The following PLCG2 variants were observed in gnomAD, a reference collection of about 807,000 sequenced individuals.
PLCG2 encodes the protein 1-phosphatidylinositol 4,5-bisphosphate phosphodiesterase gamma-2.
In PLCG2, 69 loss-of-function variants were observed where a neutral mutation model predicts 175.6. That is an observed-to-expected ratio of 0.39 (90% CI 0.32 to 0.48). The LOEUF (loss-of-function observed/expected upper bound fraction) is 0.48. Among genes scored for constraint, PLCG2 ranks in the 20% least tolerant of loss-of-function variants. The pLI is 0.91. For synonymous variants in PLCG2, 827 were observed against 624.0 expected (o/e 1.33, Z -4.85); for missense variants, 1,798 against 1,650.9 (o/e 1.09, Z -1.54).
At chr16:81,769,839 A>G (rs1297447971) in intron 2 of PLCG2, among the ~76,000 whole-genome samples, 150 of 150,780 alleles carry the variant, frequency 9.9e-4, no homozygotes, top group African/African-American at 3.4e-3. Flanking sequence ...AAAAAAAAAA[A>G]AAAAAAAGAA....
At chr16:81,752,763 G>T (rs1255452931) in intron 1 of PLCG2, among the ~76,000 whole-genome samples, 3 of 152,224 alleles carry the variant, frequency 2.0e-5, no homozygotes, top group African/African-American at 4.8e-5. Flanking sequence ...GGGTGCCCAG[G>T]GAAGTGAGGG....
At chr16:81,861,970 C>T (rs1907004067) in intron 5 of PLCG2, among the ~76,000 whole-genome samples, 1 of 152,220 alleles carries the variant, frequency 6.6e-6, no homozygotes, top group African/African-American at 2.4e-5. Context: ...CCGGCTTCCT[C>T]TCCTCTACCT....
chr16:81,955,530 G>A (rs4888198), intron 31 of PLCG2, among the ~76,000 whole-genome samples: 129,321 of 152,220 alleles, frequency 0.85, 55,035 homozygotes, highest in East Asian at 0.93. Context: ...CTCCCCTAGC[G>A]TAATGGACTA....
At chr16:81,896,255 G>T (rs982763370) in intron 13 of PLCG2, among the ~76,000 whole-genome samples, 2 of 152,262 alleles carry the variant, frequency 1.3e-5, no homozygotes, top group Admixed American at 1.3e-4. Flanking sequence ...AAGGCTGGGC[G>T]CAGTGGCTCA....
chr16:81,934,079 A>T lies in PLCG2; in HGVS notation c.2740-350A>T, dbSNP rs142570471. 5.9e-5 allele frequency among the ~76,000 whole-genome samples: 9 copies of T among 152,222 alleles called. No homozygotes were observed. The East Asian group carries it at 1.5e-3, about 26-fold the overall frequency. On this transcript the variant is annotated intron_variant, in intron 25 of 32. Coordinates refer to ENST00000564138, the MANE Select transcript of PLCG2 (RefSeq NM_002661.5). ...AGGATTTGAAGAACTAGAATTTGAG[A>T]CACTCTAACAGTGTGGCTTTAGGGG...
At chr16:81,844,509 A>G (rs879348560) in intron 2 of PLCG2, among the ~76,000 whole-genome samples, 2 of 151,794 alleles carry the variant, frequency 1.3e-5, no homozygotes, top group Non-Finnish European at 2.9e-5. Flanking sequence ...TTTGGTAGAG[A>G]CAGGGTTTTG....
At chr16:81,784,875 T>C (rs1016872958) in intron 1 of PLCG2, among the ~76,000 whole-genome samples, 5 of 152,030 alleles carry the variant, frequency 3.3e-5, no homozygotes, top group African/African-American at 1.2e-4. Flanking sequence ...AAGTCCTATT[T>C]TGGGGGCAGG....
intron 2 of PLCG2, among the ~76,000 whole-genome samples, chr16:81,795,328 G>A (rs766491723): frequency 6.6e-6 from 1 of 152,230 alleles, no homozygotes; most frequent in Non-Finnish European, 1.5e-5. Context: ...TAGAGGTGAT[G>A]TTTGAGCTGA....
chr16:81,821,795 C>T (rs535463300), intron 2 of PLCG2, among the ~76,000 whole-genome samples: 1 of 152,134 alleles, frequency 6.6e-6, no homozygotes, highest in African/African-American at 2.4e-5. Flanking sequence ...AACTTCCTAC[C>T]CAAAAGAAAA....
intron 1 of PLCG2, among the ~76,000 whole-genome samples, chr16:81,780,308 C>G (rs1429827885): frequency 1.3e-5 from 2 of 152,184 alleles, no homozygotes; most frequent in Non-Finnish European, 2.9e-5. Context: ...ACCCAATTTT[C>G]CAGGGCTGTG....
intron 2 of PLCG2, among the ~76,000 whole-genome samples, chr16:81,768,223 C>A (rs1039038198): frequency 1.3e-5 from 2 of 152,300 alleles, no homozygotes; most frequent in East Asian, 3.9e-4. Context: ...TGAGATTCAG[C>A]CTTGGTCTTG....
chr16:81,896,988 GC>G (rs1254773913), intron 13 of PLCG2, among the ~76,000 whole-genome samples: 1 of 152,216 alleles, frequency 6.6e-6, no homozygotes, highest in Non-Finnish European at 1.5e-5. Context: ...TCTATAAAGA[GC>G]CAGATACAAA....
At chr16:81,843,286 G>C (rs77033577) in intron 2 of PLCG2, among the ~76,000 whole-genome samples, 1 of 152,134 alleles carries the variant, frequency 6.6e-6, no homozygotes, top group Non-Finnish European at 1.5e-5. Context: ...AGTAGTGCCT[G>C]TTGTCAGCAA....
chr16:81,824,128 C>T (rs1361613493), intron 2 of PLCG2, among the ~76,000 whole-genome samples: 2 of 142,722 alleles, frequency 1.4e-5, no homozygotes. Context: ...TCCCTCCCTC[C>T]CTCTCTTTCT....
Position 81,926,375 on chromosome 16 carries a change from G to T in PLCG2, c.2418-707G>T, listed in dbSNP as rs568725183. On this transcript the variant is annotated intron_variant, in intron 22 of 32. Transcript: ENST00000564138. The stretch of plus-strand genomic sequence containing the variant: ...TCAAGAGATGGGCAGGTTGAAGGAG[G>T]GCGTTTGCATGTCTGGGCACGGCCT... Among the ~76,000 whole-genome samples, 224 of 152,302 alleles carry T rather than the reference G, an allele frequency of 1.5e-3. 1 individual carries two copies. Among genetic ancestry groups the T allele is most frequent in the African/African-American group, 5.1e-3 (212 of 41,552 alleles).
intron 3 of PLCG2, among the ~76,000 whole-genome samples, chr16:81,855,155 T>A (rs1597356584): frequency 7.3e-6 from 1 of 136,148 alleles, no homozygotes; most frequent in Middle Eastern, 4.0e-3. Flanking sequence ...ATTGCATCAC[T>A]CCCCTACAGT....
intron 17 of PLCG2, among the ~76,000 whole-genome samples, chr16:81,909,218 G>A (rs931756527): frequency 1.3e-4 from 20 of 152,308 alleles, no homozygotes; most frequent in Admixed American, 9.1e-4. Context: ...TCACTCAAAT[G>A]ATTTGCAAGT....
At chr16:81,870,356 G>A (rs1907453309) in intron 6 of PLCG2, among the ~76,000 whole-genome samples, 1 of 152,188 alleles carries the variant, frequency 6.6e-6, no homozygotes, top group African/African-American at 2.4e-5. Flanking sequence ...AAGCCATAAA[G>A]CAATTAATTG....
At chr16:81,855,557 TA>T (rs1182247554) in intron 3 of PLCG2, among the ~76,000 whole-genome samples, 1 of 152,240 alleles carries the variant, frequency 6.6e-6, no homozygotes, top group Non-Finnish European at 1.5e-5. Context: ...TACTCTGTGT[TA>T]GGTTGTGTAC....
Sources: allele counts gnomAD v4.1 joint callset (sites outside exome capture counted in the v4.1 genomes callset), GRCh38; gene constraint gnomAD v4.1.1; transcripts MANE v1.5; gene names NCBI Gene and HGNC (gene_info 2026-07-23, HGNC 2026-07-21).